RASSF4: variants seen among roughly 807,000 people sequenced by gnomAD.
The protein encoded by RASSF4 is Ras association domain family member 4.
In RASSF4, 38 loss-of-function variants were observed where a neutral mutation model predicts 41.1. That is an observed-to-expected ratio of 0.92 (90% CI 0.71 to 1.21). RASSF4 has a LOEUF of 1.21. Ranked by LOEUF, RASSF4 falls within the 50% of genes most tolerant of loss-of-function variation. RASSF4 has a pLI of 0.00. For synonymous variants in RASSF4, 179 were observed against 163.4 expected, an observed-to-expected ratio of 1.10 and a Z score of -0.73; for missense variants, 414 against 419.4, an observed-to-expected ratio of 0.99 and a Z score of 0.11.
At chr10:44,976,141 A>G (rs1240835151) in intron 3 of RASSF4, 5 of 152,106 alleles carry the variant, frequency 3.3e-5, no homozygotes, top group African/African-American at 1.2e-4. Context: ...GACAGATACA[A>G]ACATTTGTCT....
chr10:44,982,675 G>A lies in RASSF4; in HGVS notation c.281+12G>A, dbSNP rs1031297399. 6.2e-7 allele frequency: 1 copy of A among 1,611,154 alleles called. No individual in the cohort carries two copies. The highest frequency in any genetic ancestry group is 1.3e-5 in the African/African-American group (1 of 74,764). On this transcript the variant is annotated intron_variant, in intron 4 of 10. Coordinates refer to ENST00000340258, the MANE Select transcript of RASSF4 (RefSeq NM_032023.4). ...CCTAGCTGCCCTCTGTGAGTACCCG[G>A]TGGCTTCTGTGACACCTGCTCAGCC...
At chr10:44,963,452 G>C (rs1840784828) in intron 1 of RASSF4, among the ~76,000 whole-genome samples, 1 of 152,170 alleles carries the variant, frequency 6.6e-6, no homozygotes, top group Admixed American at 6.5e-5. Flanking sequence ...GTGCTGGGAG[G>C]GGCCTTTTAA....
At chr10:44,989,498 C>A in intron 7 of RASSF4, 123 bp downstream of exon 7, 3 of 934,972 alleles carry the variant, frequency 3.2e-6, no homozygotes, top group African/African-American at 1.6e-5. Context: ...TAGCAAGGGT[C>A]CCTCTGCTGA....
Position 44,991,179 on chromosome 10 carries a change from G to A in RASSF4, c.807+110G>A, listed in dbSNP as rs1842098171. On this transcript the variant is annotated intron_variant, in intron 9 of 10. Transcript: ENST00000340258. ...GCCCTGTCAGTTGATGTCTCCAGGA[G>A]CTCCACACTCTCCCAAAGGGCTCCC... is the stretch of plus-strand genomic sequence containing the variant. 3 of 1,059,814 alleles carry A rather than the reference G, an allele frequency of 2.8e-6. No individual in the cohort carries two copies. In the Admixed American group the frequency reaches 8.1e-5, roughly 29 times the overall value. The allele number at this position is 1,059,814 out of a possible 1,614,324, so 65.7% of individuals were successfully genotyped here.
At chr10:44,968,309 C>A (rs924684779) in intron 1 of RASSF4, among the ~76,000 whole-genome samples, 1 of 152,108 alleles carries the variant, frequency 6.6e-6, no homozygotes, top group African/African-American at 2.4e-5. Flanking sequence ...CATGGGCAAG[C>A]GGAGGTGCCG....
chr10:44,982,763 C>T, intron 4 of RASSF4, 100 bp downstream of exon 4: 1 of 1,327,252 alleles, frequency 7.5e-7, no homozygotes. Flanking sequence ...TTATGGGACA[C>T]TGGCACAGGA....
At chr10:44,969,979 A>G (rs1459716715) in intron 1 of RASSF4, among the ~76,000 whole-genome samples, 186 bp from the exon 2 acceptor site, 1 of 152,244 alleles carries the variant, frequency 6.6e-6, no homozygotes, top group African/African-American at 2.4e-5. Flanking sequence ...TTGCCCAACC[A>G]AGGCAGCTTG....
chr10:44,977,398 T>C (rs1841481878), intron 3 of RASSF4: 3 of 1,579,224 alleles, frequency 1.9e-6, no homozygotes, highest in Non-Finnish European at 2.6e-6. Flanking sequence ...GGGGTCAGAG[T>C]TCATGGATCA....
chr10:44,971,927 G>A (rs1042316104), intron 3 of RASSF4, 79 bp downstream of exon 3: 37 of 939,276 alleles, frequency 3.9e-5, no homozygotes, highest in Non-Finnish European at 5.6e-5. Context: ...TCAGGGTAAT[G>A]ATGAAGACCA....
chr10:44,975,454 C>T (rs1380190713), intron 3 of RASSF4, among the ~76,000 whole-genome samples: 1 of 124,210 alleles, frequency 8.1e-6, no homozygotes, highest in Non-Finnish European at 1.7e-5. Flanking sequence ...CCCCCACTCC[C>T]CTCTCCACCT....
chr10:44,986,824 CTCAG>C (rs1208869034), intron 6 of RASSF4, among the ~76,000 whole-genome samples: 3 of 152,252 alleles, frequency 2.0e-5, no homozygotes, highest in Non-Finnish European at 4.4e-5. Flanking sequence ...CATTACTTCA[CTCAG>C]TCATTTTCCA....
chr10:44,964,378 G>A (rs886528256), intron 1 of RASSF4, among the ~76,000 whole-genome samples: 1 of 152,248 alleles, frequency 6.6e-6, no homozygotes, highest in African/African-American at 2.4e-5. Context: ...GGACCTGGGG[G>A]AGGGGAACGG....
chr10:44,971,575 C>A (rs930347552), intron 2 of RASSF4, 198 bp from the exon 3 acceptor site: 1 of 683,334 alleles, frequency 1.5e-6, no homozygotes, highest in Non-Finnish European at 2.7e-6. Flanking sequence ...GACCCCCATG[C>A]CCCCCACCAG....
chr10:44,979,756 G>A (rs1463684266), intron 3 of RASSF4, among the ~76,000 whole-genome samples: 2 of 152,098 alleles, frequency 1.3e-5, no homozygotes, highest in Non-Finnish European at 2.9e-5. Flanking sequence ...TGGACCTTGG[G>A]GTGGATGCTG....
chr10:44,975,037 G>T lies in RASSF4; in HGVS notation c.138+3189G>T, dbSNP rs914408420. Among the ~76,000 whole-genome samples, 5 of 152,246 alleles carry T rather than the reference G, an allele frequency of 3.3e-5. No individual in the cohort carries two copies. The South Asian group carries it at 1.0e-3, about 32-fold the overall frequency. On this transcript the variant is annotated intron_variant, in intron 3 of 10. Coordinates refer to ENST00000340258, the MANE Select transcript of RASSF4 (RefSeq NM_032023.4). ...CCCATGGCTCTGGACAAGCAAGTGA[G>T]CCCCAGGCGGCAGGACCTTTTCTGG...
rs551080277 is a variant in RASSF4 at position 44,993,934 on chromosome 10, T to C, written c.*605T>C. 1 of 152,524 alleles carries C rather than the reference T, an allele frequency of 6.6e-6. No homozygotes were observed. The highest frequency in any genetic ancestry group is 2.4e-5 in the African/African-American group (1 of 41,582). 9.4% of individuals were successfully genotyped at this position (152,524 alleles called of 1,614,324 possible). On this transcript the variant is annotated 3_prime_UTR_variant, in exon 11 of 11. Coordinates refer to ENST00000340258, the MANE Select transcript of RASSF4 (RefSeq NM_032023.4). ...AAGGCCACAAGTATCTCACTTTCTC[T>C]GCAGAAATCAATCTTTACTTCATCA...
chr10:44,972,146 A>G (rs1414490432), intron 3 of RASSF4, among the ~76,000 whole-genome samples: 1 of 151,806 alleles, frequency 6.6e-6, no homozygotes, highest in African/African-American at 2.4e-5. Flanking sequence ...ACCTTTGTCC[A>G]TGTGAACTGC....
chr10:44,982,379 C>A, intron 3 of RASSF4, 142 bp from the exon 4 acceptor site: 1 of 1,009,100 alleles, frequency 9.9e-7, no homozygotes, highest in Non-Finnish European at 1.5e-6. Flanking sequence ...CACGTAGTGG[C>A]TGATGGTCCT....
intron 1 of RASSF4, among the ~76,000 whole-genome samples, chr10:44,968,187 G>A (rs1178325425): frequency 6.6e-6 from 1 of 152,226 alleles, no homozygotes; most frequent in African/African-American, 2.4e-5. Flanking sequence ...AAGACCCACA[G>A]AAGCAGTGTG....
Sources: gnomAD v4.1 joint callset for allele counts (sites outside exome capture counted in the v4.1 genomes callset) on GRCh38, gnomAD v4.1.1 for gene constraint, MANE v1.5 for transcripts, NCBI Gene and HGNC (gene_info 2026-07-23, HGNC 2026-07-21) for gene names.